Variants in CHST11 observed in about 807,000 individuals in gnomAD.
CHST11 encodes the protein C4S-1.
A neutral mutation model predicts 30.4 loss-of-function variants in CHST11; 9 were observed. The ratio of observed to expected loss-of-function variants is 0.30; its 90% confidence interval spans 0.18 to 0.52. The LOEUF is 0.52. Among genes scored for constraint, CHST11 ranks in the 20% least tolerant of loss-of-function variants. The probability of loss-of-function intolerance (pLI) is 0.97; values close to 1 mark genes in which losing one functional copy is unlikely to be tolerated. For missense variants in CHST11, 348 were observed against 460.6 expected (o/e 0.76, Z 2.24); for synonymous variants, 152 against 187.8 (o/e 0.81, Z 1.56).
chr12:104,700,109 C>T (rs947467178), intron 2 of CHST11, among the ~76,000 whole-genome samples: 4 of 152,206 alleles, frequency 2.6e-5, no homozygotes, highest in African/African-American at 7.2e-5. Context: ...ACATTTAAAA[C>T]ACTGGCTGTA....
intron 1 of CHST11, among the ~76,000 whole-genome samples, chr12:104,573,712 A>C (rs2038653250): frequency 6.6e-6 from 1 of 152,264 alleles, no homozygotes; most frequent in Non-Finnish European, 1.5e-5. Context: ...AATTAATTCA[A>C]GATGGATTAA....
chr12:104,745,292 T>C lies in CHST11; in HGVS notation c.205-11657T>C, dbSNP rs182593171. Among the ~76,000 whole-genome samples the C allele has an allele frequency of 3.9e-5, 6 of 152,300 alleles. No individual in the cohort carries two copies. In the East Asian group the frequency reaches 1.2e-3, roughly 29 times the overall value. On this transcript the variant is annotated intron_variant, in intron 2 of 2. Coordinates refer to ENST00000303694, the MANE Select transcript of CHST11 (RefSeq NM_018413.6). Reference sequence around the variant, plus strand: ...TTTCTGGGTTCTCTATTCTGTTCCATTGGTCTATGTGTCTGTTTTTGTTCC... The same window carrying C: ...TTTCTGGGTTCTCTATTCTGTTCCACTGGTCTATGTGTCTGTTTTTGTTCC...
At chr12:104,602,982 G>A (rs1315151276) in intron 2 of CHST11, among the ~76,000 whole-genome samples, 1 of 152,104 alleles carries the variant, frequency 6.6e-6, no homozygotes, top group African/African-American at 2.4e-5. Context: ...ATGGACTCCT[G>A]AATTTATGCA....
chr12:104,757,267 C>T lies in CHST11; in HGVS notation c.523C>T (p.Arg175Cys), dbSNP rs201920162. The T allele has an allele frequency of 3.1e-6, 5 of 1,614,106 alleles. No homozygotes were observed. Among genetic ancestry groups the T allele is most frequent in the Non-Finnish European group, 3.4e-6 (4 of 1,180,024 alleles). The change falls in exon 3 of 3, where the codon CGC becomes TGC. Residue 175 changes from arginine to cysteine, a missense_variant. Transcript: ENST00000303694. This position sits in a 1 kb window ranked among gnomAD's most constrained non-coding sequence, Gnocchi z 6.5. ...NQYSIPEINH[R>C]LKSYMKFLFV... ...GTACAGCATCCCAGAAATCAACCAC[C>T]GCTTGAAAAGCTACATGAAGTTCCT... is the stretch of plus-strand genomic sequence containing the variant.
At chr12:104,520,694 A>G (rs1325226463) in intron 1 of CHST11, among the ~76,000 whole-genome samples, 1 of 152,100 alleles carries the variant, frequency 6.6e-6, no homozygotes, top group Non-Finnish European at 1.5e-5. Context: ...GGTGCAGTGA[A>G]GTGTTCTGTG....
At chr12:104,598,746 C>T (rs2038929996) in intron 1 of CHST11, among the ~76,000 whole-genome samples, 3 of 152,234 alleles carry the variant, frequency 2.0e-5, no homozygotes, top group Non-Finnish European at 4.4e-5. Context: ...CATCCTTCCA[C>T]AGATCACTGG....
At chr12:104,565,770 G>A (rs938377538) in intron 1 of CHST11, among the ~76,000 whole-genome samples, 1 of 152,164 alleles carries the variant, frequency 6.6e-6, no homozygotes, top group African/African-American at 2.4e-5. Context: ...GGAAACCTGG[G>A]CTAATTAGGG....
intron 1 of CHST11, chr12:104,589,036 A>G (rs540235940): frequency 6.6e-6 from 1 of 152,128 alleles, no homozygotes; most frequent in Non-Finnish European, 1.5e-5. Context: ...AGAAAACATT[A>G]CGCTAAGTGA....
intron 2 of CHST11, among the ~76,000 whole-genome samples, chr12:104,652,680 G>A (rs1427527148): frequency 1.3e-5 from 2 of 152,220 alleles, no homozygotes; most frequent in South Asian, 2.1e-4. Flanking sequence ...GCCCAGGAAG[G>A]GCCACCCTGT....
intron 2 of CHST11, among the ~76,000 whole-genome samples, chr12:104,645,565 G>C (rs1880846): frequency 0.75 from 113,706 of 152,022 alleles, 43,446 homozygotes; most frequent in African/African-American, 0.92. Context: ...TGAGTTTGCT[G>C]TTTGTCTGCC....
Position 104,760,430 on chromosome 12 carries a change from A to G in CHST11, c.*2627A>G, listed in dbSNP as rs917782419. On this transcript the variant is annotated 3_prime_UTR_variant, in exon 3 of 3. Transcript: ENST00000303694. ...GGTGTGGACAGAAGGAAGAGAGGAG[A>G]GGGTGAGTGGGGTATAGGGCCCAGG... The G allele has an allele frequency of 1.3e-5, 2 of 152,202 alleles. No homozygotes were observed. The highest frequency in any genetic ancestry group is 4.8e-5 in the African/African-American group (2 of 41,416). The allele number at this position is 152,202 out of a possible 1,614,324, so 9.4% of individuals were successfully genotyped here. A position where few individuals can be genotyped will look rare whatever the true frequency, so the allele number is the denominator to read the frequency against.
chr12:104,676,475 C>T lies in CHST11; in HGVS notation c.204+74484C>T, dbSNP rs185073043. On this transcript the variant is annotated intron_variant, in intron 2 of 2. Transcript: ENST00000303694. The surrounding 1 kb of genome is among the most constrained non-coding windows in gnomAD (Gnocchi z 4.4). ...CTGTCACCAGGCTGGAGTGCAGTGG[C>T]GCAATCTCGGCTCACTGCAACCTCC... Among the ~76,000 whole-genome samples the T allele has an allele frequency of 4.6e-5, 7 of 152,264 alleles. No homozygotes were observed. Among genetic ancestry groups the T allele is most frequent in the Admixed American group, 1.3e-4 (2 of 15,306 alleles).
chr12:104,686,661 G>C (rs2039849258), intron 2 of CHST11, among the ~76,000 whole-genome samples: 2 of 152,110 alleles, frequency 1.3e-5, no homozygotes, highest in Admixed American at 1.3e-4. Context: ...TGTTTGTTTG[G>C]TTGGAGACGG....
Position 104,498,660 on chromosome 12 carries a change from G to T in CHST11, c.118+41131G>T, listed in dbSNP as rs140024082. On this transcript the variant is annotated intron_variant, in intron 1 of 2. Coordinates refer to ENST00000303694, the MANE Select transcript of CHST11 (RefSeq NM_018413.6). ...TTTTTCACTGAGAGTTTCACATCTG[G>T]GTTATCCAACTTGTTGGGAAAGGGT... is the stretch of plus-strand genomic sequence containing the variant. 2.6e-5 allele frequency among the ~76,000 whole-genome samples: 4 copies of T among 152,288 alleles called. No homozygotes were observed. The East Asian group carries it at 7.7e-4, about 29-fold the overall frequency.
At chr12:104,641,911 G>T (rs963357727) in intron 2 of CHST11, among the ~76,000 whole-genome samples, 2 of 152,130 alleles carry the variant, frequency 1.3e-5, no homozygotes, top group Admixed American at 1.3e-4. Flanking sequence ...AACCAGGGGG[G>T]ATTTTGCACC....
chr12:104,508,013 C>T (rs1450984578), intron 1 of CHST11, among the ~76,000 whole-genome samples: 1 of 152,138 alleles, frequency 6.6e-6, no homozygotes, highest in Non-Finnish European at 1.5e-5. Flanking sequence ...CTCACAGTTT[C>T]GTATGCAAGC....
intron 2 of CHST11, among the ~76,000 whole-genome samples, chr12:104,602,818 A>G (rs1371179487): frequency 1.3e-5 from 2 of 152,190 alleles, no homozygotes; most frequent in African/African-American, 4.8e-5. Flanking sequence ...TAAATTTAAT[A>G]CTTCTTTGGA....
rs771505079 is a variant in CHST11, at chr12:104,676,429, C to A, written c.204+74438C>A. ...TGACTCCGAGTCACTGCCTCCTTTT[C>A]TTTTGAGACAGAGTCTCGCTCTGTC... On this transcript the variant is annotated intron_variant, in intron 2 of 2. Transcript: ENST00000303694. The surrounding 1 kb of genome is among the most constrained non-coding windows in gnomAD (Gnocchi z 4.4). Among the ~76,000 whole-genome samples, 1 of 152,164 alleles carries A rather than the reference C, an allele frequency of 6.6e-6. No homozygotes were observed.
intron 2 of CHST11, among the ~76,000 whole-genome samples, chr12:104,703,795 A>T (rs1014481905): frequency 1.3e-5 from 2 of 152,214 alleles, no homozygotes; most frequent in African/African-American, 4.8e-5. Flanking sequence ...CCTTGCTGTC[A>T]ACGCTGCCTG....
Sources: gnomAD v4.1 joint callset for allele counts (sites outside exome capture counted in the v4.1 genomes callset) on GRCh38, gnomAD v4.1.1 for gene constraint, Gnocchi (gnomAD v3.1) non-coding constraint, MANE v1.5 for transcripts, NCBI Gene and HGNC (gene_info 2026-07-23, HGNC 2026-07-21) for gene names.